Variants in DNER observed in about 807,000 individuals in gnomAD.
DNER encodes delta/notch like EGF repeat containing.
DNER carries 33 observed loss-of-function variants against 78.2 expected under a neutral mutation model. That is an observed-to-expected ratio of 0.42 (90% CI 0.32 to 0.56). DNER has a LOEUF of 0.56. Among genes scored for constraint, DNER ranks in the 20% least tolerant of loss-of-function variants. The pLI is 0.11. For missense variants in DNER, 918 were observed against 975.3 expected (o/e 0.94, Z 0.78); for synonymous variants, 417 against 384.8 (o/e 1.08, Z -0.98).
chr2:229,562,867 T>G (rs1420481812), intron 4 of DNER, among the ~76,000 whole-genome samples: 2 of 151,656 alleles, frequency 1.3e-5, no homozygotes, highest in African/African-American at 2.4e-5. Context: ...CATCATCAAC[T>G]TCATCATCAT....
intron 4 of DNER, among the ~76,000 whole-genome samples, chr2:229,573,337 C>CAG (rs1697247460): frequency 6.6e-6 from 1 of 152,158 alleles, no homozygotes; most frequent in Non-Finnish European, 1.5e-5. Flanking sequence ...GAAAGCAAGA[C>CAG]AGCATTTTCA....
chr2:229,462,796 G>T (rs923160575), intron 7 of DNER, among the ~76,000 whole-genome samples: 1 of 151,936 alleles, frequency 6.6e-6, no homozygotes, highest in Non-Finnish European at 1.5e-5. Flanking sequence ...CCAGTCTTAC[G>T]CCACATGCTT....
Position 229,419,909 on chromosome 2 carries a change from T to A in DNER, c.1487-1679A>T, listed in dbSNP as rs1202535800. 1.4e-5 allele frequency among the ~76,000 whole-genome samples: 2 copies of A among 146,992 alleles called. 1 individual carries two copies. The highest frequency in any genetic ancestry group is 3.0e-5 in the Non-Finnish European group (2 of 67,076). On this transcript the variant is annotated intron_variant, in intron 8 of 12. Transcript: ENST00000341772. ...TCACAACTGGAGGCAGGGGGAGGGG[T>A]TGCTGCTGGCATCTAGTAGGCAGAG... is the stretch of plus-strand genomic sequence containing the variant.
intron 6 of DNER, among the ~76,000 whole-genome samples, chr2:229,500,785 G>A (rs1054981304): frequency 6.6e-6 from 1 of 151,916 alleles, no homozygotes; most frequent in Non-Finnish European, 1.5e-5. Context: ...GTAAGATTTC[G>A]ATGCACCTAC....
intron 8 of DNER, among the ~76,000 whole-genome samples, chr2:229,425,981 T>C (rs890037848): frequency 2.7e-5 from 4 of 148,690 alleles, no homozygotes; most frequent in African/African-American, 9.7e-5. Context: ...CAGGCTGAAG[T>C]GAGTGCAGGG....
chr2:229,695,184 T>C (rs968808740), intron 1 of DNER, among the ~76,000 whole-genome samples: 2 of 152,166 alleles, frequency 1.3e-5, no homozygotes, highest in Non-Finnish European at 2.9e-5. Context: ...TGCTGAACTG[T>C]GTGTCAATTA....
chr2:229,634,483 A>G (rs555121078), intron 1 of DNER, among the ~76,000 whole-genome samples: 228 of 152,348 alleles, frequency 1.5e-3, no homozygotes, highest in African/African-American at 5.3e-3. Flanking sequence ...TGAAAATGGT[A>G]TAATTTTACT....
chr2:229,699,360 T>C (rs1699708683), intron 1 of DNER, among the ~76,000 whole-genome samples: 1 of 152,168 alleles, frequency 6.6e-6, no homozygotes. Context: ...TTAAATTTAA[T>C]TGTACTTTTT....
chr2:229,422,005 A>G (rs1693776841), intron 8 of DNER, among the ~76,000 whole-genome samples: 1 of 152,182 alleles, frequency 6.6e-6, no homozygotes. Context: ...ATGAAAAGCA[A>G]ATGAGGAAGT....
chr2:229,396,784 C>G (rs1485486255), intron 10 of DNER, among the ~76,000 whole-genome samples: 1 of 152,150 alleles, frequency 6.6e-6, no homozygotes, highest in African/African-American at 2.4e-5. Flanking sequence ...GTGGGTCTGT[C>G]TGAGCATAGG....
intron 7 of DNER, among the ~76,000 whole-genome samples, chr2:229,474,505 T>C (rs897632818): frequency 6.6e-6 from 1 of 152,190 alleles, no homozygotes; most frequent in Non-Finnish European, 1.5e-5. Context: ...CTAGGCTTTA[T>C]CTAGGCAGCA....
intron 10 of DNER, among the ~76,000 whole-genome samples, chr2:229,403,408 GCA>G (rs1693310421): frequency 6.6e-6 from 1 of 152,166 alleles, no homozygotes; most frequent in Admixed American, 6.5e-5. Context: ...AGAACCTTGA[GCA>G]CACAGACATC....
chr2:229,559,900 T>A (rs1305841340), intron 4 of DNER, among the ~76,000 whole-genome samples: 1 of 152,206 alleles, frequency 6.6e-6, no homozygotes, highest in African/African-American at 2.4e-5. Flanking sequence ...CTTACTCTGC[T>A]CTTGCCCACA....
chr2:229,692,628 A>T (rs1175019657), intron 1 of DNER, among the ~76,000 whole-genome samples: 1 of 152,186 alleles, frequency 6.6e-6, no homozygotes, highest in Non-Finnish European at 1.5e-5. Flanking sequence ...GCCATGCATA[A>T]AAATTGCTTC....
At chr2:229,703,971 T>C (rs1483115382) in intron 1 of DNER, among the ~76,000 whole-genome samples, 1 of 148,506 alleles carries the variant, frequency 6.7e-6, no homozygotes, top group Non-Finnish European at 1.5e-5. Context: ...TGGGAGAAAA[T>C]ATTTGCAAAT....
intron 11 of DNER, among the ~76,000 whole-genome samples, chr2:229,384,623 C>G (rs1446258805): frequency 2.6e-5 from 4 of 152,106 alleles, no homozygotes; most frequent in Non-Finnish European, 5.9e-5. Context: ...TCAGAGAATA[C>G]TATAAACACC....
intron 7 of DNER, among the ~76,000 whole-genome samples, chr2:229,471,972 C>A (rs1694933671): frequency 6.6e-6 from 1 of 152,162 alleles, no homozygotes; most frequent in African/African-American, 2.4e-5. Flanking sequence ...GAGAACGACA[C>A]CAAATCTCCA....
intron 1 of DNER, among the ~76,000 whole-genome samples, chr2:229,619,561 C>T (rs1415129846): frequency 1.3e-5 from 2 of 152,178 alleles, no homozygotes; most frequent in Non-Finnish European, 2.9e-5. Context: ...TGTTCAGTTA[C>T]TGCCTGATTC....
intron 7 of DNER, among the ~76,000 whole-genome samples, chr2:229,449,372 T>A (rs773644559): frequency 2.0e-5 from 3 of 152,258 alleles, no homozygotes; most frequent in Non-Finnish European, 4.4e-5. Context: ...AAATAATTTT[T>A]ATCTGTCTAG....
Sources: allele counts gnomAD v4.1 joint callset (sites outside exome capture counted in the v4.1 genomes callset), GRCh38; gene constraint gnomAD v4.1.1; transcripts MANE v1.5; gene names NCBI Gene and HGNC (gene_info 2026-07-23, HGNC 2026-07-21).